ZFYVE26: variants seen among roughly 807,000 people sequenced by gnomAD.
ZFYVE26 encodes the protein zinc finger FYVE-type containing 26.
ZFYVE26 carries 181 observed loss-of-function variants against 276.5 expected under a neutral mutation model. That is an observed-to-expected ratio of 0.65 (90% confidence interval 0.58 to 0.74). The LOEUF (loss-of-function observed/expected upper bound fraction) is 0.74, where lower values mean the gene tolerates loss of function less well. ZFYVE26 is among the 30% of genes least tolerant of loss of function. ZFYVE26 has a pLI of 0.00. For synonymous variants in ZFYVE26, 1,129 were observed against 1,203.1 expected (o/e 0.94, Z 1.27); for missense variants, 2,821 against 3,097.9 (o/e 0.91, Z 2.12).
intron 23 of ZFYVE26, among the ~76,000 whole-genome samples, chr14:67,778,530 TG>T (rs1405776881): frequency 6.6e-6 from 1 of 152,204 alleles, no homozygotes; most frequent in Non-Finnish European, 1.5e-5. Context: ...TAGTCACCCA[TG>T]CTATAAGAAT....
At chr14:67,802,326 T>G in intron 9 of ZFYVE26, 44 bp from the exon 10 acceptor site, 1 of 1,595,576 alleles carries the variant, frequency 6.3e-7, no homozygotes, top group Non-Finnish European at 8.6e-7. Flanking sequence ...AGTTAATTAA[T>G]TCAGGATGCA....
rs759884171 is a variant in ZFYVE26, at chr14:67,802,281, A to C, written c.1437T>G (p.Asp479Glu). Reference protein sequence around the residue: ...VPAKDPQQEPDAVDAPVPEHL... With the variant: ...VPAKDPQQEPEAVDAPVPEHL... ...GCTCAGGGACTGGAGCATCAACTGCATCTGAATTACAAAGAGAAACAGGCT... is the reference window on the plus strand; with the variant it reads ...GCTCAGGGACTGGAGCATCAACTGCCTCTGAATTACAAAGAGAAACAGGCT... Residue 479 changes from aspartate to glutamate, a missense_variant and splice_region_variant, in exon 10 of 42, where the codon GAT becomes GAG. By Grantham distance (45) the Asp-to-Glu change is conservative. Transcript: ENST00000347230. The C allele has an allele frequency of 1.2e-6, 2 of 1,614,068 alleles. No homozygotes were observed. The highest frequency in any genetic ancestry group is 2.2e-5 in the South Asian group (2 of 91,066).
At chr14:67,736,420 C>A (rs1439526923) in intron 13 of ZFYVE26, among the ~76,000 whole-genome samples, 3 of 152,128 alleles carry the variant, frequency 2.0e-5, no homozygotes, top group African/African-American at 7.2e-5. Flanking sequence ...TAGACAATGT[C>A]ATAAGTGGTG....
chr14:67,758,013 C>G (rs1439513012), intron 35 of ZFYVE26, among the ~76,000 whole-genome samples: 1 of 152,192 alleles, frequency 6.6e-6, no homozygotes, highest in Admixed American at 6.5e-5. Context: ...CCCTGCCCAG[C>G]CTTTTGTCTG....
chr14:67,792,913 C>A (rs1172063036), intron 14 of ZFYVE26, among the ~76,000 whole-genome samples: 319 of 56,542 alleles, frequency 5.6e-3, no homozygotes, highest in Middle Eastern at 0.015. Context: ...AAATCTGTCT[C>A]AAAAAAAAAA....
intron 20 of ZFYVE26, 117 bp from the exon 21 acceptor site, chr14:67,783,642 ACT>A (rs2039570779): frequency 1.5e-6 from 2 of 1,366,060 alleles, no homozygotes; most frequent in African/African-American, 1.4e-5. Context: ...TAATTGTCAC[ACT>A]CTTTTTTTAA....
chr14:67,742,838 C>CTTTTTTTTTTTTTTTTT, downstream of ZFYVE26, among the ~76,000 whole-genome samples: 30 of 89,772 alleles, frequency 3.3e-4, no homozygotes, highest in African/African-American at 1.2e-3. Context: ...TCTTCTTCTT[C>CTTTTTTTTTTTTTTTTT]TTTTTTTTTT....
chr14:67,797,476 T>C (rs2039977692), intron 12 of ZFYVE26, 196 bp downstream of exon 12: 1 of 661,596 alleles, frequency 1.5e-6, no homozygotes, highest in Non-Finnish European at 2.7e-6. Flanking sequence ...TAAAAGGATA[T>C]ACATGTTTAT....
In ZFYVE26 at chr14:67,807,915, CA is replaced by C. The variant is rs777426605; in HGVS notation, c.368del (p.Leu123ArgfsTer5). The C allele has an allele frequency of 6.2e-7, 1 of 1,614,174 alleles. No homozygotes were observed. Among genetic ancestry groups the C allele is most frequent in the South Asian group, 1.1e-5 (1 of 91,078 alleles). On this transcript the variant is annotated frameshift_variant, in exon 5 of 42. Transcript: ENST00000347230. LOFTEE classifies it high-confidence loss of function. ...GDIPENILEE[L>X]YETLTQGAVG... ...CTGCACCCTGTGTTAAGGTCTCATACAGCTCCTAAATAGAGGATGAAGAAAA... is the reference window on the plus strand; with the variant it reads ...CTGCACCCTGTGTTAAGGTCTCATACGCTCCTAAATAGAGGATGAAGAAAA...
chr14:67,742,184 G>T (rs1394790120), downstream of ZFYVE26, among the ~76,000 whole-genome samples: 1 of 152,194 alleles, frequency 6.6e-6, no homozygotes, highest in Non-Finnish European at 1.5e-5. Flanking sequence ...CTTGCCTGAG[G>T]TACCTAGAGT....
intron 35 of ZFYVE26, among the ~76,000 whole-genome samples, chr14:67,757,671 T>TCTCTCTC: frequency 2.1e-5 from 3 of 145,712 alleles, no homozygotes; most frequent in African/African-American, 5.4e-5. Flanking sequence ...TCTTTCTTTC[T>TCTCTCTC]TTCTTTCTTT....
At chr14:67,796,282 T>G (rs1304280997) in intron 12 of ZFYVE26, 1 of 150,492 alleles carries the variant, frequency 6.6e-6, no homozygotes, top group Non-Finnish European at 1.5e-5. Context: ...AGTGGCACAA[T>G]CTCAGCTCAC....
intron 22 of ZFYVE26, 127 bp downstream of exon 22, chr14:67,781,206 G>A: frequency 9.1e-7 from 1 of 1,103,418 alleles, no homozygotes; most frequent in Non-Finnish European, 1.4e-6. Context: ...AAGAACTGAA[G>A]CCAGATGCAA....
At chr14:67,813,219 T>C (rs1384517072) in intron 3 of ZFYVE26, among the ~76,000 whole-genome samples, 2 of 152,142 alleles carry the variant, frequency 1.3e-5, no homozygotes, top group Non-Finnish European at 2.9e-5. Context: ...GCTAAAAAAG[T>C]AGTGTTAAGG....
intron 10 of ZFYVE26, chr14:67,799,402 G>A (rs2040033321): frequency 1.2e-6 from 2 of 1,612,806 alleles, no homozygotes; most frequent in African/African-American, 1.3e-5. Context: ...GGAAAAGGAG[G>A]GCTCAGGAAG....
intron 15 of ZFYVE26, among the ~76,000 whole-genome samples, chr14:67,790,195 C>T (rs990685691): frequency 6.6e-6 from 1 of 152,190 alleles, no homozygotes; most frequent in African/African-American, 2.4e-5. Flanking sequence ...TACCCAACTG[C>T]ACTTTATAGA....
chr14:67,801,991 A>G, intron 10 of ZFYVE26, 88 bp downstream of exon 10: 8 of 1,474,536 alleles, frequency 5.4e-6, no homozygotes, highest in Non-Finnish European at 5.7e-6. Flanking sequence ...CCCCACTCCC[A>G]ATCTTGGTGG....
intron 13 of ZFYVE26, among the ~76,000 whole-genome samples, chr14:67,734,745 C>T (rs898633169): frequency 6.6e-6 from 1 of 152,202 alleles, no homozygotes; most frequent in African/African-American, 2.4e-5. Context: ...GGCCTAACTG[C>T]CTTAGGAAAT....
Position 67,752,220 on chromosome 14 carries a change from G to C in ZFYVE26, c.7371+124C>G. On this transcript the variant is annotated intron_variant, in intron 40 of 41. Transcript: ENST00000347230. ...TATGGTGAGGCCATTATTGCAGAGG[G>C]GTTCAGAATGATAAAAGGATCTTGT... 2.4e-6 allele frequency: 3 copies of C among 1,246,792 alleles called. No homozygotes were observed. The African/African-American group carries it at 4.5e-5, about 19-fold the overall frequency. The allele number at this position is 1,246,792 out of a possible 1,614,324, so 77.2% of individuals were successfully genotyped here.
Sources: gnomAD v4.1 joint callset for allele counts (sites outside exome capture counted in the v4.1 genomes callset) on GRCh38, gnomAD v4.1.1 for gene constraint, MANE v1.5 for transcripts, NCBI Gene and HGNC (gene_info 2026-07-23, HGNC 2026-07-21) for gene names.